SLC39A10: variants seen among roughly 807,000 people sequenced by gnomAD.
SLC39A10 encodes zinc transporter ZIP10.
SLC39A10 carries 13 observed loss-of-function variants against 65.1 expected under a neutral mutation model. The observed-to-expected ratio is 0.20, with a 90% CI of 0.13 to 0.32. The LOEUF (loss-of-function observed/expected upper bound fraction) is 0.32, where lower values mean the gene tolerates loss of function less well. Among genes scored for constraint, SLC39A10 ranks in the 10% least tolerant of loss-of-function variants. The pLI is 1.00. For synonymous variants in SLC39A10, 321 were observed against 342.2 expected (o/e 0.94, Z 0.68); for missense variants, 831 against 1,018.4 (o/e 0.82, Z 2.50).
In SLC39A10 at chr2:195,680,201, G is replaced by A. The variant is rs764433649; in HGVS notation, c.159G>A (p.Lys53=). The A allele has an allele frequency of 1.9e-6, 3 of 1,613,840 alleles. No homozygotes were observed. The Admixed American group carries it at 5.0e-5, about 27-fold the overall frequency. Residue 53 remains lysine (K), a synonymous_variant, in exon 2 of 10, where the codon AAG becomes AAA. Coordinates refer to ENST00000359634, the MANE Select transcript of SLC39A10 (RefSeq NM_020342.3). The part of the protein sequence containing the change: ...MTELEPSKFS[K]QAAENEKKYY... ...AATTGGAGCCAAGCAAATTTTCAAA[G>A]CAAGCTGCTGAAAATGAAAAAAAAT...
chr2:195,696,319 G>GAAA (rs67651617), intron 3 of SLC39A10, among the ~76,000 whole-genome samples: 511 of 140,916 alleles, frequency 3.6e-3, no homozygotes, highest in Middle Eastern at 0.019. Flanking sequence ...TTTTATTTCT[G>GAAA]AAAAAAAAAA....
rs761372192 is a variant in SLC39A10 at position 195,707,388 on chromosome 2, T to C, written c.1386+603T>C. ...GCTGTCTATCACCAGCTAAGAGTAT[T>C]TAATTCACTCTTACTATTTTTACTT... On this transcript the variant is annotated intron_variant, in intron 4 of 9. Transcript: ENST00000359634. 3.3e-5 allele frequency among the ~76,000 whole-genome samples: 5 copies of C among 152,334 alleles called. 1 individual carries two copies. The highest frequency in any genetic ancestry group is 6.5e-5 in the Admixed American group (1 of 15,290).
chr2:195,643,313 T>C (rs1403511949), intron 2 of SLC39A10, among the ~76,000 whole-genome samples: 1 of 152,140 alleles, frequency 6.6e-6, no homozygotes, highest in Non-Finnish European at 1.5e-5. Context: ...AAAGTCTTCT[T>C]GGCAGAGAAA....
At chr2:195,717,874 T>G (rs1691876341) in intron 7 of SLC39A10, among the ~76,000 whole-genome samples, 1 of 152,192 alleles carries the variant, frequency 6.6e-6, no homozygotes, top group Admixed American at 6.5e-5. Context: ...TGTTAGCCAT[T>G]TAAATCCCTA....
At chr2:195,711,971 G>A (rs1006599823) in intron 5 of SLC39A10, among the ~76,000 whole-genome samples, 4 of 151,656 alleles carry the variant, frequency 2.6e-5, no homozygotes, top group African/African-American at 7.3e-5. Flanking sequence ...AGTTTCTATC[G>A]GCTTAGTGGC....
At chr2:195,724,707 A>C (rs1223245908) in intron 8 of SLC39A10, among the ~76,000 whole-genome samples, 1 of 152,206 alleles carries the variant, frequency 6.6e-6, no homozygotes, top group African/African-American at 2.4e-5. Context: ...TTCAGGGACC[A>C]GAAGACTATT....
intron 1 of SLC39A10, among the ~76,000 whole-genome samples, chr2:195,678,599 T>G (rs1439181034): frequency 1.3e-5 from 2 of 149,626 alleles, no homozygotes. Flanking sequence ...TGATGAAACA[T>G]AAATTCTTAA....
chr2:195,633,716 A>G (rs551899544), intron 2 of SLC39A10, among the ~76,000 whole-genome samples: 1 of 137,550 alleles, frequency 7.3e-6, no homozygotes, highest in Non-Finnish European at 1.5e-5. Context: ...AAGTCCGGCC[A>G]TCTTTGCTGG....
intron 2 of SLC39A10, among the ~76,000 whole-genome samples, chr2:195,630,597 G>A (rs1013127094): frequency 2.6e-5 from 4 of 152,198 alleles, no homozygotes; most frequent in Non-Finnish European, 5.9e-5. Flanking sequence ...TCAGAGGCCT[G>A]CCAGAGAGGC....
chr2:195,673,112 A>G (rs1296842954), intron 1 of SLC39A10, among the ~76,000 whole-genome samples: 2 of 152,228 alleles, frequency 1.3e-5, no homozygotes, highest in South Asian at 2.1e-4. Flanking sequence ...CTTAACCTAT[A>G]TATGCCATAT....
At chr2:195,730,597 T>A (rs565100712) in intron 9 of SLC39A10, among the ~76,000 whole-genome samples, 1 of 152,340 alleles carries the variant, frequency 6.6e-6, no homozygotes, top group Admixed American at 6.5e-5. Context: ...TCCCCCTGCA[T>A]CTAAATGTTG....
chr2:195,718,677 T>G (rs1025610350), intron 8 of SLC39A10, among the ~76,000 whole-genome samples: 16 of 152,322 alleles, frequency 1.1e-4, no homozygotes, highest in South Asian at 2.1e-4. Flanking sequence ...TCATATACCA[T>G]GTAGACTATA....
rs1207614580 is a variant in SLC39A10, at chr2:195,690,182, A to G, written c.1216+6276A>G. 1.7e-4 allele frequency among the ~76,000 whole-genome samples: 26 copies of G among 150,070 alleles called. 1 individual carries two copies. The highest frequency in any genetic ancestry group is 2.4e-4 in the African/African-American group (10 of 41,038). On this transcript the variant is annotated intron_variant, in intron 3 of 9. Transcript: ENST00000359634. ...CAGAGTGAGACTCTCTGAAAAAAAA[A>G]AAAAAAAAAAAAAAAAAGAAAGAAA...
chr2:195,693,397 T>C (rs1478175225), intron 3 of SLC39A10, among the ~76,000 whole-genome samples: 1 of 152,204 alleles, frequency 6.6e-6, no homozygotes, highest in African/African-American at 2.4e-5. Context: ...TCCGTAGGAT[T>C]GGCACCAATT....
Position 195,734,899 on chromosome 2 carries a change from A to G in SLC39A10, c.2354A>G (p.His785Arg). ...TTTTTCTAGCTTCCAGAAATGTTGC[A>G]TGGTGATGGTGACAATGAAGAACAT... ...ALVDMLPEML[H>R]GDGDNEEHGF... Residue 785 changes from histidine (H) to arginine (R), a missense_variant, in exon 10 of 10, where the codon CAT (histidine) becomes CGT (arginine). Physicochemically the swap from His to Arg is conservative, Grantham distance 29. Around this residue, in one of 4 missense-constraint regions of SLC39A10, gnomAD observed 120 missense variants for 203.9 expected, o/e 0.59. Transcript: ENST00000359634. The G allele has an allele frequency of 1.2e-6, 2 of 1,602,308 alleles. No homozygotes were observed. Among genetic ancestry groups the G allele is most frequent in the Non-Finnish European group, 1.7e-6 (2 of 1,176,032 alleles).
intron 2 of SLC39A10, among the ~76,000 whole-genome samples, chr2:195,647,592 G>C (rs1216538641): frequency 6.6e-6 from 1 of 151,912 alleles, no homozygotes; most frequent in Non-Finnish European, 1.5e-5. Flanking sequence ...TGGGAAGCCT[G>C]AGTGTATCCC....
intron 3 of SLC39A10, among the ~76,000 whole-genome samples, chr2:195,687,879 A>G (rs1690587006): frequency 6.6e-6 from 1 of 152,230 alleles, no homozygotes; most frequent in African/African-American, 2.4e-5. Flanking sequence ...GGATGTGAAT[A>G]GGCTGCTAAG....
intron 8 of SLC39A10, among the ~76,000 whole-genome samples, chr2:195,719,191 G>A (rs1336810705): frequency 6.6e-6 from 1 of 150,538 alleles, no homozygotes; most frequent in East Asian, 1.9e-4. Context: ...CGCTAGAAAT[G>A]AGCTGCACTT....
intron 3 of SLC39A10, among the ~76,000 whole-genome samples, chr2:195,695,042 A>C (rs969583482): frequency 6.6e-5 from 10 of 152,130 alleles, no homozygotes; most frequent in South Asian, 6.2e-4. Flanking sequence ...GATTCCACAC[A>C]GGAAGAAGAG....
Sources: gnomAD v4.1 joint callset for allele counts (sites outside exome capture counted in the v4.1 genomes callset) on GRCh38, gnomAD v4.1.1 for gene constraint, gnomAD v4.1.1 regional missense constraint, MANE v1.5 for transcripts, NCBI Gene and HGNC (gene_info 2026-07-23, HGNC 2026-07-21) for gene names.